Variants in TMEM117 observed in about 807,000 individuals in gnomAD.
The protein encoded by TMEM117 is transmembrane protein 117.
A neutral mutation model predicts 52.4 loss-of-function variants in TMEM117; 27 were observed. The observed-to-expected ratio is 0.51, with a 90% confidence interval of 0.38 to 0.71. TMEM117 has a LOEUF of 0.71. Among genes scored for constraint, TMEM117 ranks in the 30% least tolerant of loss-of-function variants. The pLI is 0.00. For missense variants in TMEM117, 556 were observed against 630.5 expected (o/e 0.88, Z 1.26); for synonymous variants, 215 against 206.3 (o/e 1.04, Z -0.36).
intron 5 of TMEM117, among the ~76,000 whole-genome samples, chr12:44,236,930 A>G (rs904014339): frequency 6.6e-6 from 1 of 152,022 alleles, no homozygotes; most frequent in African/African-American, 2.4e-5. Context: ...ACTTAAAGTC[A>G]GGAAGGAATT....
At chr12:43,861,472 A>C (rs771458298) in intron 2 of TMEM117, among the ~76,000 whole-genome samples, 1 of 152,222 alleles carries the variant, frequency 6.6e-6, no homozygotes, top group African/African-American at 2.4e-5. Flanking sequence ...ACTGAACTCT[A>C]TGCTATCCAC....
At chr12:43,965,905 T>C (rs1484977151) in intron 3 of TMEM117, among the ~76,000 whole-genome samples, 1 of 152,170 alleles carries the variant, frequency 6.6e-6, no homozygotes, top group Admixed American at 6.5e-5. Context: ...CCACTCCATC[T>C]CTCCACCTGC....
the TMEM117 span, among the ~76,000 whole-genome samples, chr12:44,396,599 A>G: frequency 6.6e-6 from 1 of 152,142 alleles, no homozygotes; most frequent in East Asian, 1.9e-4. Flanking sequence ...CAAGCCTGTA[A>G]TCCCAGCAAT....
intron 4 of TMEM117, among the ~76,000 whole-genome samples, chr12:44,209,457 T>C (rs1006028710): frequency 7.9e-5 from 12 of 152,116 alleles, no homozygotes; most frequent in Non-Finnish European, 1.5e-5. Context: ...GATGAACTAG[T>C]TTCTCTTTAA....
At chr12:44,198,958 A>C (rs1949456817) in intron 4 of TMEM117, among the ~76,000 whole-genome samples, 1 of 152,198 alleles carries the variant, frequency 6.6e-6, no homozygotes, top group East Asian at 1.9e-4. Context: ...GGGAAATATG[A>C]CTGTAGTGTA....
At chr12:44,230,772 C>T (rs1285586266) in intron 5 of TMEM117, among the ~76,000 whole-genome samples, 1 of 151,856 alleles carries the variant, frequency 6.6e-6, no homozygotes, top group East Asian at 1.9e-4. Context: ...TAGCTTCATT[C>T]CTTGTCACTT....
chr12:43,867,390 T>C (rs1040033683), intron 2 of TMEM117, among the ~76,000 whole-genome samples: 1 of 152,114 alleles, frequency 6.6e-6, no homozygotes, highest in Admixed American at 6.5e-5. Context: ...TAAAATAATA[T>C]TATGCCAAAA....
Position 44,027,134 on chromosome 12 carries a change from ATT to A in TMEM117, c.410+82795_410+82796del, listed in dbSNP as rs1592452722. On this transcript the variant is annotated intron_variant, in intron 3 of 7. Coordinates refer to ENST00000266534, the MANE Select transcript of TMEM117 (RefSeq NM_032256.3). ...ATTTTATCTTATTATTTTATTTTAT[ATT>A]TTATTTTATTTTATTTTATTTTATT... Among the ~76,000 whole-genome samples the A allele has an allele frequency of 4.0e-4, 10 of 24,866 alleles. No individual in the cohort carries two copies. The South Asian group carries it at 0.029, about 72-fold the overall frequency. The allele number at this position is 24,866 out of a possible 152,430, so 16.3% of individuals were successfully genotyped here.
At chr12:43,853,948 GACA>G (rs1943355035) in intron 2 of TMEM117, among the ~76,000 whole-genome samples, 1 of 152,142 alleles carries the variant, frequency 6.6e-6, no homozygotes, top group Non-Finnish European at 1.5e-5. Context: ...CAAAGATGGA[GACA>G]ACTCAGCTTT....
intron 3 of TMEM117, among the ~76,000 whole-genome samples, chr12:44,058,055 A>G (rs1279181514): frequency 6.6e-6 from 1 of 152,238 alleles, no homozygotes; most frequent in Non-Finnish European, 1.5e-5. Flanking sequence ...TATGTTAATA[A>G]GAAGCCATTT....
chr12:43,912,735 T>A (rs1230258307), intron 2 of TMEM117, among the ~76,000 whole-genome samples: 2 of 152,064 alleles, frequency 1.3e-5, no homozygotes, highest in Non-Finnish European at 2.9e-5. Context: ...ATTGGTGCTT[T>A]TCCATGTGAT....
chr12:44,018,714 T>TTTG (rs1565794196), intron 3 of TMEM117, among the ~76,000 whole-genome samples: 38 of 151,360 alleles, frequency 2.5e-4, no homozygotes, highest in African/African-American at 9.0e-4. Flanking sequence ...TTTCTTTTTT[T>TTTG]CTTTTTCTTT....
At chr12:44,230,635 A>G (rs1949920243) in intron 5 of TMEM117, among the ~76,000 whole-genome samples, 2 of 152,068 alleles carry the variant, frequency 1.3e-5, no homozygotes. Flanking sequence ...AAAATGTCTT[A>G]AACACAAATT....
chr12:43,943,809 T>TA (rs1945084427), intron 2 of TMEM117, among the ~76,000 whole-genome samples: 1 of 152,236 alleles, frequency 6.6e-6, no homozygotes, highest in Non-Finnish European at 1.5e-5. Flanking sequence ...GGAATGGATC[T>TA]ATAGAAGCAA....
Position 44,094,802 on chromosome 12 carries a change from G to T in TMEM117, c.411-48723G>T, listed in dbSNP as rs1362838155. On this transcript the variant is annotated intron_variant, in intron 3 of 7. Transcript: ENST00000266534. Reference sequence around the variant, plus strand: ...TTGCATATGTGTTAGTGTGTGTGTGGGGGAATACTCAACTAAAAAGGGGAG... The same window carrying T: ...TTGCATATGTGTTAGTGTGTGTGTGTGGGAATACTCAACTAAAAAGGGGAG... Among the ~76,000 whole-genome samples the T allele has an allele frequency of 2.6e-5, 4 of 152,066 alleles. No individual in the cohort carries two copies. In the East Asian group the frequency reaches 5.8e-4, roughly 22 times the overall value.
intron 3 of TMEM117, among the ~76,000 whole-genome samples, chr12:44,084,361 A>AT (rs1200348843): frequency 3.3e-5 from 5 of 152,136 alleles, no homozygotes; most frequent in African/African-American, 7.2e-5. Flanking sequence ...ATATCTGTAG[A>AT]TTTTTTTAAG....
At chr12:44,198,344 C>T (rs974028452) in intron 4 of TMEM117, among the ~76,000 whole-genome samples, 3 of 152,046 alleles carry the variant, frequency 2.0e-5, no homozygotes, top group African/African-American at 4.8e-5. Flanking sequence ...AATTTAAGCG[C>T]GTGCATAAGA....
At chr12:44,058,296 T>G (rs1947089189) in intron 3 of TMEM117, among the ~76,000 whole-genome samples, 1 of 152,156 alleles carries the variant, frequency 6.6e-6, no homozygotes, top group South Asian at 2.1e-4. Flanking sequence ...GTCAAATCAG[T>G]ATGAAAAAGT....
the TMEM117 span, among the ~76,000 whole-genome samples, chr12:44,398,442 C>A: frequency 1.3e-5 from 2 of 152,128 alleles, no homozygotes; most frequent in Non-Finnish European, 2.9e-5. Context: ...GGACGTCAAC[C>A]AGTTTGCATT....
Sources: gnomAD v4.1 joint callset for allele counts (sites outside exome capture counted in the v4.1 genomes callset) on GRCh38, gnomAD v4.1.1 for gene constraint, MANE v1.5 for transcripts, NCBI Gene and HGNC (gene_info 2026-07-23, HGNC 2026-07-21) for gene names.